The following RBFOX1 variants were observed in gnomAD, a reference collection of about 807,000 sequenced individuals.
The protein encoded by RBFOX1 is RNA binding fox-1 homolog 1, also known as RNA binding protein fox-1 homolog 1.
In RBFOX1, 8 loss-of-function variants were observed where a neutral mutation model predicts 57.7. The observed-to-expected ratio is 0.14, with a 90% CI of 0.08 to 0.25. The LOEUF (loss-of-function observed/expected upper bound fraction) is 0.25, where lower values mean the gene tolerates loss of function less well. Among genes scored for constraint, RBFOX1 ranks in the 10% least tolerant of loss-of-function variants. RBFOX1 has a pLI of 1.00. For missense variants in RBFOX1, 611 were observed against 548.5 expected, an observed-to-expected ratio of 1.11 and a Z score of -1.14; for synonymous variants, 326 against 222.4, an observed-to-expected ratio of 1.47 and a Z score of -4.15.
At chr16:7,094,773 T>TGTGTGTGTGTGTGTGG (rs1272219459) in intron 4 of RBFOX1, among the ~76,000 whole-genome samples, 29 of 141,034 alleles carry the variant, frequency 2.1e-4, no homozygotes, top group African/African-American at 6.9e-4. Flanking sequence ...TGTGTGTGTG[T>TGTGTGTGTGTGTGTGG]GTGGGTGTGT....
intron 4 of RBFOX1, among the ~76,000 whole-genome samples, chr16:7,111,379 A>G (rs1262300767): frequency 2.6e-5 from 4 of 152,170 alleles, no homozygotes. Context: ...TTTTTTCCTC[A>G]TAGTAAATAA....
At chr16:7,112,700 C>G (rs12932581) in intron 4 of RBFOX1, among the ~76,000 whole-genome samples, 28,599 of 98,336 alleles carry the variant, frequency 0.29, 3,057 homozygotes, top group East Asian at 0.46. Flanking sequence ...GTCTCTCTGT[C>G]TGTCTGTCCG....
At chr16:6,545,886 C>A (rs1330167124) in intron 2 of RBFOX1, among the ~76,000 whole-genome samples, 3 of 152,132 alleles carry the variant, frequency 2.0e-5, no homozygotes, top group African/African-American at 7.2e-5. Flanking sequence ...GTGTCTGATG[C>A]CAGGCCTAAA....
chr16:6,959,211 C>A (rs1053746498), intron 3 of RBFOX1, among the ~76,000 whole-genome samples: 3 of 152,158 alleles, frequency 2.0e-5, no homozygotes, highest in African/African-American at 7.2e-5. Flanking sequence ...TCAGATTGTA[C>A]TTAAAAAGTA....
chr16:6,558,676 A>G (rs1290852802), intron 2 of RBFOX1, among the ~76,000 whole-genome samples: 1 of 152,108 alleles, frequency 6.6e-6, no homozygotes, highest in Non-Finnish European at 1.5e-5. Flanking sequence ...AAACAAAACA[A>G]AACGCCCAAA....
chr16:6,591,828 T>G (rs10451140), intron 2 of RBFOX1, among the ~76,000 whole-genome samples: 4 of 152,236 alleles, frequency 2.6e-5, no homozygotes, highest in African/African-American at 9.6e-5. Context: ...AAAACAAGAT[T>G]AACGTCTTTT....
chr16:6,138,313 C>T (rs1489847612), intron 1 of RBFOX1, among the ~76,000 whole-genome samples: 3 of 152,146 alleles, frequency 2.0e-5, no homozygotes, highest in Admixed American at 6.5e-5. Context: ...TGTATTGGGT[C>T]ATATGTAACA....
intron 1 of RBFOX1, among the ~76,000 whole-genome samples, chr16:6,205,020 G>A (rs1225988336): frequency 2.0e-5 from 3 of 152,026 alleles, no homozygotes; most frequent in Non-Finnish European, 2.9e-5. Flanking sequence ...ACCATAAACC[G>A]ATTGACTGAG....
chr16:7,139,190 G>GTGTGTGTGTGTC (rs1239518879), intron 4 of RBFOX1, among the ~76,000 whole-genome samples: 1 of 136,176 alleles, frequency 7.3e-6, no homozygotes, highest in African/African-American at 2.8e-5. Flanking sequence ...GTGTGTGTGT[G>GTGTGTGTGTGTC]TGTGTGTATG....
intron 11 of RBFOX1, among the ~76,000 whole-genome samples, chr16:7,638,086 G>GT (rs1244747981): frequency 1.3e-5 from 2 of 152,104 alleles, no homozygotes; most frequent in Non-Finnish European, 2.9e-5. Flanking sequence ...CCATTACAGA[G>GT]TTTTTTGGTG....
At chr16:5,827,130 T>G in intron 3 of RBFOX1, among the ~76,000 whole-genome samples, 1 of 152,222 alleles carries the variant, frequency 6.6e-6, no homozygotes, top group South Asian at 2.1e-4. Flanking sequence ...GGCCAGGCAC[T>G]GTGGCTCATG....
intron 12 of RBFOX1, among the ~76,000 whole-genome samples, chr16:7,659,685 A>C (rs7187238): frequency 3.0e-4 from 45 of 152,224 alleles, no homozygotes; most frequent in Non-Finnish European, 4.4e-5. Context: ...CACATGCAGC[A>C]TATGGGCTGC....
At chr16:6,743,576 T>C (rs1335356596) in intron 3 of RBFOX1, among the ~76,000 whole-genome samples, 1 of 151,810 alleles carries the variant, frequency 6.6e-6, no homozygotes, top group African/African-American at 2.4e-5. Context: ...ACCCCAACTG[T>C]ACAAAAAATT....
chr16:7,462,291 T>G (rs1832976328), intron 4 of RBFOX1, among the ~76,000 whole-genome samples: 1 of 152,126 alleles, frequency 6.6e-6, no homozygotes, highest in African/African-American at 2.4e-5. Context: ...GGTCAGGAGT[T>G]CAAAACTAGC....
intron 9 of RBFOX1, among the ~76,000 whole-genome samples, chr16:7,597,683 C>T (rs2094779717): frequency 6.6e-6 from 1 of 152,190 alleles, no homozygotes; most frequent in African/African-American, 2.4e-5. Context: ...GATTGAGATG[C>T]ACTAATTATT....
chr16:6,966,809 G>T (rs60127845), intron 3 of RBFOX1, among the ~76,000 whole-genome samples: 2 of 148,254 alleles, frequency 1.3e-5, no homozygotes, highest in African/African-American at 2.5e-5. Flanking sequence ...CTGTCTGTCT[G>T]TCTGTCTGTC....
At chr16:6,977,119 TTATCA>T (rs2087183862) in intron 3 of RBFOX1, among the ~76,000 whole-genome samples, 1 of 139,650 alleles carries the variant, frequency 7.2e-6, no homozygotes, top group Non-Finnish European at 1.5e-5. Flanking sequence ...ATGATCTATA[TTATCA>T]TATATATGAT....
At position 5,891,635 on chromosome 16, in the gene RBFOX1, T is replaced by C. The variant is rs562424087; in HGVS notation, c.351+24300T>C. Among the ~76,000 whole-genome samples, 9 of 152,146 alleles carry C rather than the reference T, an allele frequency of 5.9e-5. No homozygotes were observed. The East Asian group carries it at 7.8e-4, about 13-fold the overall frequency. On this transcript the variant is annotated intron_variant, in intron 4 of 19. Transcript: ENST00000641259. ...GCTGGGTGAGGGTGCACCAGGAAGC[T>C]CCGAGGGAATCTCTGGGTCCTGGCC...
chr16:5,586,193 C>T lies in RBFOX1; in HGVS notation c.259-12709C>T, dbSNP rs151215283. 5.1e-3 allele frequency among the ~76,000 whole-genome samples: 780 copies of T among 152,222 alleles called. 6 individuals carry two copies. The highest frequency in any genetic ancestry group is 0.01 in the Middle Eastern group (3 of 294). On this transcript the variant is annotated intron_variant, in intron 2 of 2. Transcript: ENST00000585867. ...GCAGAGCATAAATTATCCCACAGAA[C>T]TTCTAGAAGGAGCCAGCCCTGCCCA...
Sources: gnomAD v4.1 joint callset for allele counts (sites outside exome capture counted in the v4.1 genomes callset) on GRCh38, gnomAD v4.1.1 for gene constraint, MANE v1.5 for transcripts, NCBI Gene and HGNC (gene_info 2026-07-23, HGNC 2026-07-21) for gene names.